The following PIK3C2A variants were observed in gnomAD, a reference collection of about 807,000 sequenced individuals.
PIK3C2A encodes phosphatidylinositol 4-phosphate 3-kinase C2 domain-containing subunit alpha.
PIK3C2A carries 97 observed loss-of-function variants against 204.5 expected under a neutral mutation model. That is an observed-to-expected ratio of 0.47 (90% confidence interval 0.40 to 0.56). PIK3C2A has a LOEUF of 0.56. Among genes scored for constraint, PIK3C2A ranks in the 20% least tolerant of loss-of-function variants. The pLI, the probability that PIK3C2A is intolerant of heterozygous loss-of-function variation, is 0.00. For missense variants in PIK3C2A, 1,735 were observed against 1,969.2 expected (o/e 0.88, Z 2.25); for synonymous variants, 653 against 664.4 (o/e 0.98, Z 0.26).
Position 17,120,304 on chromosome 11 carries a change from T to C in PIK3C2A, c.2658-330A>G, listed in dbSNP as rs147525373. 1.8e-3 allele frequency among the ~76,000 whole-genome samples: 272 copies of C among 151,914 alleles called. 1 individual carries two copies. The highest frequency in any genetic ancestry group is 6.8e-3 in the Middle Eastern group (2 of 294). On this transcript the variant is annotated intron_variant, in intron 15 of 32. Coordinates refer to ENST00000691414, the MANE Select transcript of PIK3C2A (RefSeq NM_002645.4). ...AAAAAGCAGATCCCACCCTAAGAGA[T>C]AGCAAGGATTTCATCCATTTCGTAC...
At chr11:17,130,784 G>A (rs1849666633) in intron 12 of PIK3C2A, among the ~76,000 whole-genome samples, 1 of 147,272 alleles carries the variant, frequency 6.8e-6, no homozygotes, top group Non-Finnish European at 1.5e-5. Flanking sequence ...TCCAGCCTGG[G>A]TGACAGAGTG....
chr11:17,148,941 T>C (rs1325006253), intron 4 of PIK3C2A, among the ~76,000 whole-genome samples, 154 bp from the exon 5 acceptor site: 3 of 152,198 alleles, frequency 2.0e-5, no homozygotes, highest in Non-Finnish European at 4.4e-5. Context: ...AGTTGCCACA[T>C]TGAAAAAAGT....
intron 1 of PIK3C2A, among the ~76,000 whole-genome samples, chr11:17,175,639 A>G (rs1056721188): frequency 5.9e-5 from 9 of 152,226 alleles, no homozygotes; most frequent in Admixed American, 2.0e-4. Context: ...AATTTTCTCA[A>G]CATAAAGTAA....
At chr11:17,146,900 T>C (rs1027886384) in intron 6 of PIK3C2A, among the ~76,000 whole-genome samples, 2 of 152,154 alleles carry the variant, frequency 1.3e-5, no homozygotes, top group African/African-American at 4.8e-5. Context: ...CACTGATATT[T>C]TTCCATCCAA....
rs558460927 is a variant in PIK3C2A at position 17,202,497 on chromosome 11, G to A, written c.-66+5351C>T. On this transcript the variant is annotated intron_variant, in intron 1 of 32. Transcript: ENST00000691414. ...GCTAAGGTGGGAGAATCACCCAAGT[G>A]TGGGAGGCAGAGGTTGCAGTAGGCT... Among the ~76,000 whole-genome samples, 5 of 150,836 alleles carry A rather than the reference G, an allele frequency of 3.3e-5. No individual in the cohort carries two copies. The South Asian group carries it at 6.3e-4, about 19-fold the overall frequency.
At chr11:17,201,923 T>C (rs1228800313) in intron 1 of PIK3C2A, among the ~76,000 whole-genome samples, 2 of 152,178 alleles carry the variant, frequency 1.3e-5, no homozygotes, top group African/African-American at 4.8e-5. Context: ...TTGTACTATG[T>C]ATCTAAACAC....
intron 19 of PIK3C2A, among the ~76,000 whole-genome samples, chr11:17,115,983 T>C (rs1490103392): frequency 6.6e-6 from 1 of 152,090 alleles, no homozygotes; most frequent in Admixed American, 6.6e-5. Context: ...TTAGATTTAA[T>C]GATGGATTCT....
At position 17,135,334 on chromosome 11, in the gene PIK3C2A, T is replaced by A. The variant is rs1423598191; in HGVS notation, c.1849-175A>T. On this transcript the variant is annotated intron_variant, in intron 9 of 32. Transcript: ENST00000691414. ...AAGGGAAAACCACAAACCAAGATTA[T>A]TTTTAGTATTAAGAAAATCAGAATA... Among the ~76,000 whole-genome samples, 3 of 152,182 alleles carry A rather than the reference T, an allele frequency of 2.0e-5. No individual in the cohort carries two copies. In the East Asian group the frequency reaches 5.8e-4, roughly 29 times the overall value.
intron 8 of PIK3C2A, chr11:17,138,371 A>G (rs1286629334): frequency 4.9e-6 from 2 of 406,218 alleles, no homozygotes; most frequent in Non-Finnish European, 4.6e-6. Flanking sequence ...GTAGTCCTCA[A>G]AGACTACCTC....
intron 25 of PIK3C2A, 103 bp downstream of exon 25, chr11:17,101,175 C>G: frequency 2.8e-6 from 2 of 703,380 alleles, no homozygotes; most frequent in African/African-American, 1.8e-5. Flanking sequence ...ACATTTGTGA[C>G]TAAAGCAAAT....
In PIK3C2A at chr11:17,130,580, G is replaced by A. The variant is rs549554266; in HGVS notation, c.2232-1113C>T. 7.2e-5 allele frequency among the ~76,000 whole-genome samples: 11 copies of A among 152,090 alleles called. No homozygotes were observed. In the East Asian group the frequency reaches 1.2e-3, roughly 16 times the overall value. On this transcript the variant is annotated intron_variant, in intron 12 of 32. Coordinates refer to ENST00000691414, the MANE Select transcript of PIK3C2A (RefSeq NM_002645.4). ...AGCACTTTGGGAGGCCAAGGTGGGC[G>A]GATCACCTGAGGTCAGGAATTCAAG...
intron 11 of PIK3C2A, among the ~76,000 whole-genome samples, chr11:17,134,513 C>T (rs564156579): frequency 1.3e-5 from 2 of 152,270 alleles, no homozygotes; most frequent in South Asian, 4.1e-4. Context: ...AGGCATGTGC[C>T]ACCACACCCA....
chr11:17,157,409 G>C lies in PIK3C2A; in HGVS notation c.1066-1780C>G, dbSNP rs1339620192. On this transcript the variant is annotated intron_variant, in intron 2 of 32. Transcript: ENST00000691414. ...TGGGAGGCAGAGGTTGCAGTGAGCT[G>C]AGATCGTGCCACTGCACTCCAGCCT... Among the ~76,000 whole-genome samples, 2 of 141,546 alleles carry C rather than the reference G, an allele frequency of 1.4e-5. 1 individual carries two copies. Among genetic ancestry groups the C allele is most frequent in the East Asian group, 4.0e-4 (2 of 4,976 alleles). 92.9% of individuals were successfully genotyped at this position (141,546 alleles called of 152,430 possible). A position where few individuals can be genotyped will look rare whatever the true frequency, so the allele number is the denominator to read the frequency against.
At chr11:17,129,251 G>T in intron 13 of PIK3C2A, 49 bp downstream of exon 13, 1 of 1,445,558 alleles carries the variant, frequency 6.9e-7, no homozygotes, top group Non-Finnish European at 9.7e-7. Context: ...CAATTCTGAT[G>T]TGCAGATGTG....
intron 32 of PIK3C2A, 87 bp downstream of exon 32, chr11:17,091,247 A>C: frequency 8.3e-7 from 1 of 1,200,512 alleles, no homozygotes; most frequent in South Asian, 1.4e-5. Context: ...ACAAACTTGC[A>C]CATCCTGCTT....
At chr11:17,097,409 G>A in intron 26 of PIK3C2A, 145 bp from the exon 27 acceptor site, 1 of 615,226 alleles carries the variant, frequency 1.6e-6, no homozygotes, top group Non-Finnish European at 2.8e-6. Flanking sequence ...TTGTTCTACA[G>A]GCCAAAGGTT....
intron 19 of PIK3C2A, among the ~76,000 whole-genome samples, chr11:17,115,094 C>CT (rs1306080137): frequency 6.6e-6 from 1 of 152,044 alleles, no homozygotes; most frequent in African/African-American, 2.4e-5. Flanking sequence ...TTCCAACTGC[C>CT]TTTTTGCAGC....
At chr11:17,138,038 T>G in intron 8 of PIK3C2A, 1 of 640,944 alleles carries the variant, frequency 1.6e-6, no homozygotes, top group South Asian at 1.5e-5. Context: ...TTCTGCTCCT[T>G]GATAAGGAAA....
intron 1 of PIK3C2A, among the ~76,000 whole-genome samples, chr11:17,183,924 G>A (rs1565298914): frequency 6.7e-6 from 1 of 148,460 alleles, no homozygotes; most frequent in African/African-American, 2.5e-5. Context: ...GAGCAACATA[G>A]TGAGAACCCT....
Sources: gnomAD v4.1 joint callset for allele counts (sites outside exome capture counted in the v4.1 genomes callset) on GRCh38, gnomAD v4.1.1 for gene constraint, MANE v1.5 for transcripts, NCBI Gene and HGNC (gene_info 2026-07-23, HGNC 2026-07-21) for gene names.